Variants in FRMD4B observed in about 807,000 individuals in gnomAD.
FRMD4B encodes the protein FERM domain-containing protein 4B.
In FRMD4B, 74 loss-of-function variants were observed where a neutral mutation model predicts 141.5. That is an observed-to-expected ratio of 0.52 (90% CI 0.43 to 0.63). The LOEUF (loss-of-function observed/expected upper bound fraction) is 0.63, where lower values mean the gene tolerates loss of function less well. FRMD4B is among the 30% of genes least tolerant of loss of function. The pLI is 0.00. For missense variants in FRMD4B, 1,366 were observed against 1,253.4 expected (o/e 1.09, Z -1.36); for synonymous variants, 506 against 467.9 (o/e 1.08, Z -1.05).
chr3:69,467,786 C>T (rs1498839), intron 1 of FRMD4B, among the ~76,000 whole-genome samples: 58,469 of 151,998 alleles, frequency 0.38, 13,260 homozygotes, highest in African/African-American at 0.63. Flanking sequence ...CGTTTAGGTA[C>T]GGGTACAGAA....
intron 1 of FRMD4B, among the ~76,000 whole-genome samples, chr3:69,445,316 A>T (rs920285035): frequency 1.3e-5 from 2 of 152,218 alleles, no homozygotes; most frequent in African/African-American, 4.8e-5. Context: ...ATTTACAAAT[A>T]CTGCTATTCC....
intron 7 of FRMD4B, among the ~76,000 whole-genome samples, chr3:69,239,059 A>C (rs1337729418): frequency 6.6e-6 from 1 of 152,194 alleles, no homozygotes; most frequent in Non-Finnish European, 1.5e-5. Flanking sequence ...CTAAGGGCTT[A>C]TAATAAACTG....
intron 5 of FRMD4B, among the ~76,000 whole-genome samples, chr3:69,280,641 G>T (rs1347136384): frequency 6.6e-6 from 1 of 152,138 alleles, no homozygotes; most frequent in Non-Finnish European, 1.5e-5. Flanking sequence ...CAGAGTCCAT[G>T]ACGTTAACCA....
intron 7 of FRMD4B, among the ~76,000 whole-genome samples, chr3:69,238,344 C>G (rs2093360527): frequency 6.6e-6 from 1 of 152,156 alleles, no homozygotes; most frequent in South Asian, 2.1e-4. Flanking sequence ...TCTCTCTGTT[C>G]CTAGGAGTTT....
intron 2 of FRMD4B, among the ~76,000 whole-genome samples, chr3:69,427,632 G>A (rs1414823514): frequency 8.7e-6 from 1 of 115,278 alleles, no homozygotes; most frequent in African/African-American, 3.1e-5. Flanking sequence ...TTAGTAAGAA[G>A]CTAGGTAAAT....
intron 17 of FRMD4B, among the ~76,000 whole-genome samples, chr3:69,190,901 C>G (rs1428429367): frequency 6.6e-6 from 1 of 152,218 alleles, no homozygotes; most frequent in Non-Finnish European, 1.5e-5. Flanking sequence ...TACTTAATCT[C>G]TAAGTATCAC....
At chr3:69,337,742 C>T (rs567616818) in intron 1 of FRMD4B, among the ~76,000 whole-genome samples, 149 of 152,270 alleles carry the variant, frequency 9.8e-4, no homozygotes, top group African/African-American at 3.4e-3. Context: ...AAATGCAAAT[C>T]AAAACCACAG....
intron 1 of FRMD4B, among the ~76,000 whole-genome samples, chr3:69,457,721 A>T (rs1387489507): frequency 6.6e-6 from 1 of 152,226 alleles, no homozygotes; most frequent in African/African-American, 2.4e-5. Context: ...CGTTCTATCT[A>T]GATTAGAAAA....
intron 3 of FRMD4B, among the ~76,000 whole-genome samples, chr3:69,308,798 C>A (rs954947198): frequency 1.3e-5 from 2 of 151,972 alleles, no homozygotes; most frequent in Non-Finnish European, 2.9e-5. Context: ...CACCTCAGGA[C>A]TTTTGCACTG....
intron 7 of FRMD4B, among the ~76,000 whole-genome samples, chr3:69,227,087 A>G (rs2093261829): frequency 6.6e-6 from 1 of 152,232 alleles, no homozygotes. Context: ...GATGAAGTTT[A>G]GTCTTCAGCA....
At chr3:69,413,506 C>T (rs1434408113) in intron 2 of FRMD4B, among the ~76,000 whole-genome samples, 1 of 152,202 alleles carries the variant, frequency 6.6e-6, no homozygotes, top group Non-Finnish European at 1.5e-5. Context: ...CAAATACTTT[C>T]CCACTATAGT....
rs2092585223 is a variant in FRMD4B at position 69,171,432 on chromosome 3, G to C, written c.*429C>G. Reference sequence around the variant, plus strand: ...AACTCTGAAGTGAGCAATGACTCCGGAGCTTCTGGTTCCCCTTCTCTCATC... The same window carrying C: ...AACTCTGAAGTGAGCAATGACTCCGCAGCTTCTGGTTCCCCTTCTCTCATC... On this transcript the variant is annotated 3_prime_UTR_variant, in exon 23 of 23. Coordinates refer to ENST00000398540, the MANE Select transcript of FRMD4B (RefSeq NM_015123.3). The C allele has an allele frequency of 6.3e-6, 1 of 158,312 alleles. No homozygotes were observed. Among genetic ancestry groups the C allele is most frequent in the Non-Finnish European group, 1.4e-5 (1 of 72,278 alleles). The allele number at this position is 158,312 out of a possible 1,614,324, so 9.8% of individuals were successfully genotyped here. A position where few individuals can be genotyped will look rare whatever the true frequency, so the allele number is the denominator to read the frequency against.
intron 5 of FRMD4B, among the ~76,000 whole-genome samples, chr3:69,265,269 A>AAT (rs1175250592): frequency 1.1e-3 from 26 of 23,436 alleles, no homozygotes; most frequent in African/African-American, 3.8e-3. Flanking sequence ...AAAAAAAAAA[A>AAT]ATATATATAT....
At chr3:69,335,632 A>C (rs1303430543) in intron 1 of FRMD4B, among the ~76,000 whole-genome samples, 1 of 151,910 alleles carries the variant, frequency 6.6e-6, no homozygotes, top group Non-Finnish European at 1.5e-5. Flanking sequence ...TTGCACTCTT[A>C]AGGAGCCTCT....
intron 2 of FRMD4B, among the ~76,000 whole-genome samples, chr3:69,414,959 G>A (rs1403475380): frequency 3.6e-5 from 5 of 140,266 alleles, no homozygotes; most frequent in Admixed American, 7.9e-5. Context: ...TCCGCCTCCC[G>A]GGTTCAAACG....
chr3:69,312,647 C>T (rs369084405), intron 2 of FRMD4B, among the ~76,000 whole-genome samples: 3 of 152,166 alleles, frequency 2.0e-5, no homozygotes, highest in South Asian at 4.1e-4. Context: ...GCCTGTAATC[C>T]CAGCATTTTG....
chr3:69,461,690 A>G (rs1318222541), intron 1 of FRMD4B, among the ~76,000 whole-genome samples: 1 of 151,088 alleles, frequency 6.6e-6, no homozygotes, highest in Non-Finnish European at 1.5e-5. Flanking sequence ...TGAAATTATG[A>G]AACAGTTAAG....
At chr3:69,478,896 G>T (rs1261288996) in intron 1 of FRMD4B, among the ~76,000 whole-genome samples, 1 of 151,240 alleles carries the variant, frequency 6.6e-6, no homozygotes, top group Admixed American at 6.6e-5. Flanking sequence ...CTCCTGTATT[G>T]GGTGCATATA....
chr3:69,411,019 G>A (rs985036379), intron 2 of FRMD4B, among the ~76,000 whole-genome samples: 5 of 152,010 alleles, frequency 3.3e-5, no homozygotes, highest in South Asian at 2.1e-4. Flanking sequence ...CCCATGGGCC[G>A]TATTCTCCTG....
Sources: gnomAD v4.1 joint callset for allele counts (sites outside exome capture counted in the v4.1 genomes callset) on GRCh38, gnomAD v4.1.1 for gene constraint, MANE v1.5 for transcripts, NCBI Gene and HGNC (gene_info 2026-07-23, HGNC 2026-07-21) for gene names.